NKAIN1: variants seen among roughly 807,000 people sequenced by gnomAD.
The protein encoded by NKAIN1 is sodium/potassium transporting ATPase interacting 1.
A neutral mutation model predicts 31.6 loss-of-function variants in NKAIN1; 13 were observed. The observed-to-expected ratio is 0.41, with a 90% confidence interval of 0.27 to 0.65. The LOEUF (loss-of-function observed/expected upper bound fraction) is 0.65. NKAIN1 is among the 30% of genes least tolerant of loss of function. The probability of loss-of-function intolerance (pLI) is 0.30; values close to 1 mark genes in which losing one functional copy is unlikely to be tolerated. For synonymous variants in NKAIN1, 104 were observed against 109.0 expected (o/e 0.95, Z 0.28); for missense variants, 193 against 262.2 (o/e 0.74, Z 1.82).
At chr1:31,234,900 C>A (rs762673098) in intron 1 of NKAIN1, among the ~76,000 whole-genome samples, 2 of 152,120 alleles carry the variant, frequency 1.3e-5, no homozygotes, top group Non-Finnish European at 2.9e-5. Flanking sequence ...ACTAGCTTAG[C>A]GAGCTTGGGC....
intron 2 of NKAIN1, among the ~76,000 whole-genome samples, chr1:31,186,362 CA>C (rs543332474): frequency 0.095 from 6,922 of 72,494 alleles, 292 homozygotes; most frequent in East Asian, 0.25. Flanking sequence ...AACTCCGTCT[CA>C]AAAAAAAAAA....
intron 1 of NKAIN1, among the ~76,000 whole-genome samples, chr1:31,210,598 T>C (rs960102101): frequency 6.6e-6 from 1 of 152,208 alleles, no homozygotes; most frequent in African/African-American, 2.4e-5. Context: ...TTGCCATTAC[T>C]TTCAATGGCA....
chr1:31,200,237 C>T (rs768824987), intron 1 of NKAIN1, among the ~76,000 whole-genome samples: 22 of 152,212 alleles, frequency 1.4e-4, no homozygotes, highest in African/African-American at 3.1e-4. Flanking sequence ...AGCTGCAGAG[C>T]AACATGATTC....
intron 1 of NKAIN1, among the ~76,000 whole-genome samples, chr1:31,192,899 C>G (rs1420489451): frequency 2.0e-5 from 3 of 151,080 alleles, no homozygotes; most frequent in Admixed American, 6.6e-5. Context: ...GGTATAGTCA[C>G]TCATGCCTGT....
chr1:31,230,283 A>T (rs1366532024), intron 1 of NKAIN1, among the ~76,000 whole-genome samples: 2 of 152,188 alleles, frequency 1.3e-5, no homozygotes, highest in African/African-American at 2.4e-5. Context: ...GATGATCATT[A>T]TCCTGATTTA....
intron 1 of NKAIN1, among the ~76,000 whole-genome samples, chr1:31,223,023 C>T (rs896048721): frequency 1.3e-5 from 2 of 152,244 alleles, no homozygotes; most frequent in Non-Finnish European, 2.9e-5. Context: ...TGCTCTCAGG[C>T]GGCTACTCCT....
At chr1:31,207,995 C>T (rs1374863513) in intron 1 of NKAIN1, among the ~76,000 whole-genome samples, 1 of 152,128 alleles carries the variant, frequency 6.6e-6, no homozygotes, top group African/African-American at 2.4e-5. Flanking sequence ...CCAGGTTTCC[C>T]CACTAGCTCT....
At chr1:31,204,436 C>A (rs1645407831) in intron 1 of NKAIN1, among the ~76,000 whole-genome samples, 1 of 152,156 alleles carries the variant, frequency 6.6e-6, no homozygotes, top group Admixed American at 6.5e-5. Flanking sequence ...AATTCCTACT[C>A]TACTTCTGCC....
At chr1:31,218,382 C>T (rs967462905) in intron 1 of NKAIN1, among the ~76,000 whole-genome samples, 4 of 152,072 alleles carry the variant, frequency 2.6e-5, no homozygotes, top group Non-Finnish European at 5.9e-5. Context: ...TTTTCTAAGC[C>T]TTAACTAAGT....
chr1:31,239,156 G>C lies in NKAIN1; in HGVS notation c.54+338C>G, dbSNP rs1645713853. Among the ~76,000 whole-genome samples, 1 of 152,178 alleles carries C rather than the reference G, an allele frequency of 6.6e-6. No homozygotes were observed. Among genetic ancestry groups the C allele is most frequent in the Non-Finnish European group, 1.5e-5 (1 of 68,034 alleles). ...AGGACCTCAACGGATCCACAGATCA[G>C]CCTCAGACACACCCCCAGTCCCAGC... On this transcript the variant is annotated intron_variant, in intron 1 of 6. Coordinates refer to ENST00000373736, the MANE Select transcript of NKAIN1 (RefSeq NM_024522.3). This position sits in a 1 kb window ranked among gnomAD's most constrained non-coding sequence, Gnocchi z 4.8.
At chr1:31,200,106 C>T (rs1019527805) in intron 1 of NKAIN1, among the ~76,000 whole-genome samples, 2 of 152,210 alleles carry the variant, frequency 1.3e-5, no homozygotes, top group Non-Finnish European at 1.5e-5. Context: ...CACACACGCA[C>T]GCACGCACAC....
chr1:31,235,424 C>T (rs1481675920), intron 1 of NKAIN1, among the ~76,000 whole-genome samples: 4 of 152,114 alleles, frequency 2.6e-5, no homozygotes, highest in Non-Finnish European at 5.9e-5. Context: ...AACAAAACTG[C>T]CATGCCAAAG....
intron 2 of NKAIN1, among the ~76,000 whole-genome samples, chr1:31,186,062 TAAAAA>T (rs765519205): frequency 7.7e-6 from 1 of 130,280 alleles, no homozygotes; most frequent in Admixed American, 7.8e-5. Context: ...AACCCATATT[TAAAAA>T]AAAAAAAAAA....
In NKAIN1 at chr1:31,184,010, C is replaced by T. The variant is rs148656569; in HGVS notation, c.278G>A (p.Arg93Gln). Residue 93 changes from arginine (R) to glutamine (Q), a missense_variant, in exon 4 of 7, where the codon CGG (arginine) becomes CAG (glutamine). Physicochemically the swap from Arg to Gln is conservative, Grantham distance 43 (BLOSUM62 1). Transcript: ENST00000373736. ...YLEVGQLSQD[R>Q]DFIMTFNTSL... is the part of the protein sequence containing the mutation. ...TGTGTTGAAGGTCATGATGAAGTCC[C>T]GGTCCTGGGGGCAAAGGGGCCTGGG... The T allele has an allele frequency of 4.4e-5, 71 of 1,612,878 alleles. 1 individual carries two copies. The highest frequency in any genetic ancestry group is 6.7e-5 in the Admixed American group (4 of 59,882).
rs973740142 is a variant in NKAIN1 at position 31,181,109 on chromosome 1, T to C, written c.*594A>G. The C allele has an allele frequency of 1.3e-5, 2 of 152,368 alleles. No homozygotes were observed. Among genetic ancestry groups the C allele is most frequent in the African/African-American group, 2.4e-5 (1 of 41,454 alleles). The allele number at this position is 152,368 out of a possible 1,614,324, so 9.4% of individuals were successfully genotyped here. A position where few individuals can be genotyped will look rare whatever the true frequency, so the allele number is the denominator to read the frequency against. On this transcript the variant is annotated 3_prime_UTR_variant, in exon 7 of 7. Coordinates refer to ENST00000373736, the MANE Select transcript of NKAIN1 (RefSeq NM_024522.3). Reference sequence around the variant, plus strand: ...CAAAATGAGAATTTTAATCCCAGTCTAGCTCAGGGAATTGAGTTAAATGAG... The same window carrying C: ...CAAAATGAGAATTTTAATCCCAGTCCAGCTCAGGGAATTGAGTTAAATGAG...
chr1:31,192,187 A>G (rs1044074841), intron 1 of NKAIN1, among the ~76,000 whole-genome samples: 4 of 152,108 alleles, frequency 2.6e-5, no homozygotes, highest in African/African-American at 9.7e-5. Flanking sequence ...TCCACTTGAC[A>G]TGGAGTGGGG....
At chr1:31,187,395 G>C (rs1490512922) in intron 2 of NKAIN1, among the ~76,000 whole-genome samples, 1 of 152,130 alleles carries the variant, frequency 6.6e-6, no homozygotes, top group Non-Finnish European at 1.5e-5. Flanking sequence ...GAGGAGGAGA[G>C]AGACCCAGAC....
At chr1:31,212,444 A>C (rs1400265950) in intron 1 of NKAIN1, among the ~76,000 whole-genome samples, 1 of 148,434 alleles carries the variant, frequency 6.7e-6, no homozygotes, top group Non-Finnish European at 1.5e-5. Flanking sequence ...TCATTCTGTC[A>C]CCCAGGCTGG....
intron 1 of NKAIN1, among the ~76,000 whole-genome samples, chr1:31,215,065 G>C (rs564128467): frequency 1.7e-4 from 23 of 137,508 alleles, no homozygotes; most frequent in Non-Finnish European, 3.1e-4. Context: ...CTCTTCATGT[G>C]ACCTCGTGGG....
Sources: allele counts gnomAD v4.1 joint callset (sites outside exome capture counted in the v4.1 genomes callset), GRCh38; gene constraint gnomAD v4.1.1; non-coding constraint Gnocchi (gnomAD v3.1); transcripts MANE v1.5; gene names NCBI Gene and HGNC (gene_info 2026-07-23, HGNC 2026-07-21).